NELL1: variants seen among roughly 807,000 people sequenced by gnomAD.
The protein encoded by NELL1 is neural EGFL like 1.
Under a neutral mutation model 107.4 loss-of-function variants are expected in NELL1, and 76 were observed. The observed-to-expected ratio is 0.71, with a 90% CI of 0.59 to 0.86. The LOEUF (loss-of-function observed/expected upper bound fraction) is 0.86, where lower values mean the gene tolerates loss of function less well. Ranked by LOEUF, NELL1 falls within the 40% of genes least tolerant of loss-of-function variation. The probability of loss-of-function intolerance (pLI) is 0.00; values close to 1 mark genes in which losing one functional copy is unlikely to be tolerated. For synonymous variants in NELL1, 353 were observed against 341.2 expected (o/e 1.03, Z -0.38); for missense variants, 1,024 against 1,005.5 (o/e 1.02, Z -0.25).
At chr11:21,384,443 C>A (rs74769902) in intron 15 of NELL1, among the ~76,000 whole-genome samples, 3 of 149,854 alleles carry the variant, frequency 2.0e-5, no homozygotes, top group Admixed American at 1.3e-4. Flanking sequence ...TTTTTTTTTA[C>A]ATTTATTTAT....
intron 2 of NELL1, among the ~76,000 whole-genome samples, chr11:20,738,150 GGTGTGTGCGTGTGCACAGCTGTGCAC>G (rs1180360692): frequency 2.0e-5 from 3 of 152,086 alleles, no homozygotes; most frequent in African/African-American, 4.8e-5. Flanking sequence ...AGAGCTAGAG[GGTGTGTGCGTGTGCACAGCTGTGCAC>G]GTGTGTTTTC....
intron 13 of NELL1, among the ~76,000 whole-genome samples, chr11:21,221,298 G>C (rs181759550): frequency 1.2e-4 from 18 of 152,158 alleles, no homozygotes; most frequent in Admixed American, 5.9e-4. Context: ...TTTGGTCGAG[G>C]ATTTTTGCAT....
chr11:21,153,930 C>T (rs1856175276), intron 13 of NELL1, among the ~76,000 whole-genome samples: 1 of 152,094 alleles, frequency 6.6e-6, no homozygotes, highest in South Asian at 2.1e-4. Context: ...CTGGAGACAG[C>T]CATTGATTAA....
At chr11:20,946,934 G>A (rs375166859) in intron 10 of NELL1, among the ~76,000 whole-genome samples, 1 of 152,096 alleles carries the variant, frequency 6.6e-6, no homozygotes, top group African/African-American at 2.4e-5. Context: ...CATAACTTCT[G>A]AACATTGCTT....
At chr11:21,161,226 A>G (rs1856361346) in intron 13 of NELL1, among the ~76,000 whole-genome samples, 1 of 152,026 alleles carries the variant, frequency 6.6e-6, no homozygotes, top group African/African-American at 2.4e-5. Context: ...TTTGGTCATC[A>G]TTTCTCTGTC....
chr11:20,783,893 T>C (rs1856902024), intron 3 of NELL1, 63 bp downstream of exon 3: 2 of 1,471,510 alleles, frequency 1.4e-6, no homozygotes, highest in South Asian at 1.5e-5. Flanking sequence ...CAAAATGTCT[T>C]GGGATTTAGA....
At chr11:20,881,709 G>A (rs920178429) in intron 4 of NELL1, among the ~76,000 whole-genome samples, 1 of 151,358 alleles carries the variant, frequency 6.6e-6, no homozygotes, top group Non-Finnish European at 1.5e-5. Context: ...GCAGAATTCT[G>A]TTTTGTTTTT....
intron 2 of NELL1, among the ~76,000 whole-genome samples, chr11:20,719,533 C>A (rs1020492004): frequency 3.3e-5 from 5 of 152,140 alleles, no homozygotes; most frequent in African/African-American, 1.2e-4. Flanking sequence ...ACAGACATTA[C>A]AAGGATCCTT....
intron 15 of NELL1, among the ~76,000 whole-genome samples, chr11:21,427,787 A>G (rs1472925945): frequency 6.6e-6 from 1 of 152,190 alleles, no homozygotes. Context: ...AAACCCAAGA[A>G]GTAAAATAGG....
chr11:21,076,754 G>A (rs538749523), intron 12 of NELL1, among the ~76,000 whole-genome samples: 85 of 152,272 alleles, frequency 5.6e-4, no homozygotes, highest in Non-Finnish European at 1.1e-3. Flanking sequence ...TTGGTAATGA[G>A]TGAATTCTTG....
intron 14 of NELL1, among the ~76,000 whole-genome samples, chr11:21,331,298 A>G (rs1406514042): frequency 1.3e-5 from 2 of 151,682 alleles, no homozygotes; most frequent in Non-Finnish European, 1.5e-5. Flanking sequence ...CCTTTTTTTT[A>G]GAACAGTAGG....
chr11:21,432,608 T>C (rs559061820), intron 15 of NELL1, among the ~76,000 whole-genome samples: 1 of 152,260 alleles, frequency 6.6e-6, no homozygotes, highest in African/African-American at 2.4e-5. Context: ...GGGGTATGGA[T>C]TGTCACGGGA....
At chr11:21,154,537 G>A (rs1565086902) in intron 13 of NELL1, among the ~76,000 whole-genome samples, 1 of 152,166 alleles carries the variant, frequency 6.6e-6, no homozygotes, top group African/African-American at 2.4e-5. Context: ...CCCTTAAGGA[G>A]CAGAAGTCCA....
Position 21,063,796 on chromosome 11 carries a change from C to T in NELL1, c.1301-49793C>T, listed in dbSNP as rs77532376. Among the ~76,000 whole-genome samples the T allele has an allele frequency of 4.1e-3, 618 of 152,296 alleles. 4 individuals carry two copies. Among genetic ancestry groups the T allele is most frequent in the African/African-American group, 0.014 (585 of 41,556 alleles). On this transcript the variant is annotated intron_variant, in intron 12 of 19. Coordinates refer to ENST00000357134, the MANE Select transcript of NELL1 (RefSeq NM_006157.5). Reference sequence around the variant, plus strand: ...AATATCAAACATTCCTGTTCTTGAACCTTACATTCCAGCAGGTGACACAGA... The same window carrying T: ...AATATCAAACATTCCTGTTCTTGAATCTTACATTCCAGCAGGTGACACAGA...
At chr11:21,129,896 TAA>T (rs1565074829) in intron 13 of NELL1, among the ~76,000 whole-genome samples, 3 of 152,256 alleles carry the variant, frequency 2.0e-5, no homozygotes, top group Admixed American at 1.3e-4. Flanking sequence ...GAAAAATGGT[TAA>T]GAGAGTAACC....
At chr11:20,769,770 C>T (rs573367027) in intron 2 of NELL1, among the ~76,000 whole-genome samples, 2 of 152,122 alleles carry the variant, frequency 1.3e-5, no homozygotes, top group African/African-American at 4.8e-5. Context: ...CGGAGCCCCC[C>T]ACTTGTGCCT....
chr11:20,894,698 A>G (rs1224824190), intron 5 of NELL1, among the ~76,000 whole-genome samples: 1 of 152,140 alleles, frequency 6.6e-6, no homozygotes, highest in Non-Finnish European at 1.5e-5. Flanking sequence ...GTACTAAGGA[A>G]AGCTGTTTGT....
At chr11:21,306,145 C>T (rs753308119) in intron 14 of NELL1, among the ~76,000 whole-genome samples, 4 of 151,782 alleles carry the variant, frequency 2.6e-5, no homozygotes, top group Non-Finnish European at 4.4e-5. Context: ...TCTTTTGGAG[C>T]CTGGTGTTTT....
chr11:21,036,337 C>G (rs1853092182), intron 12 of NELL1, among the ~76,000 whole-genome samples: 1 of 152,104 alleles, frequency 6.6e-6, no homozygotes, highest in African/African-American at 2.4e-5. Flanking sequence ...CAGTGCTACT[C>G]CTATCAAACT....
Sources: allele counts gnomAD v4.1 joint callset (sites outside exome capture counted in the v4.1 genomes callset), GRCh38; gene constraint gnomAD v4.1.1; transcripts MANE v1.5; gene names NCBI Gene and HGNC (gene_info 2026-07-23, HGNC 2026-07-21).